Variants in STX7 observed in about 807,000 individuals in gnomAD.
STX7 encodes the protein syntaxin-7.
STX7 carries 34 observed loss-of-function variants against 39.6 expected under a neutral mutation model. The observed-to-expected ratio is 0.86, with a 90% CI of 0.65 to 1.14. The LOEUF is 1.14. Among genes scored for constraint, STX7 ranks in the 50% most tolerant of loss-of-function variants. The pLI, the probability that STX7 is intolerant of heterozygous loss-of-function variation, is 0.00. For missense variants in STX7, 284 were observed against 310.4 expected, an observed-to-expected ratio of 0.92 and a Z score of 0.64; for synonymous variants, 119 against 99.1, an observed-to-expected ratio of 1.20 and a Z score of -1.19.
rs72998815 is a variant in STX7 at position 132,463,883 on chromosome 6, A to C, written c.693+110T>G. 0.038 allele frequency: 37,690 copies of C among 1,002,764 alleles called. 883 individuals carry two copies. The highest frequency in any genetic ancestry group is 0.045 in the South Asian group (3,289 of 73,210). 62.1% of individuals were successfully genotyped at this position (1,002,764 alleles called of 1,614,324 possible). On this transcript the variant is annotated intron_variant, in intron 9 of 9. Coordinates refer to ENST00000367941, the MANE Select transcript of STX7 (RefSeq NM_003569.3). ...TCTCTTCCATGGGATTTTAAATTTTAACATCTTCAGCCATTTTAAACCTAA... is the reference window on the plus strand; with the variant it reads ...TCTCTTCCATGGGATTTTAAATTTTCACATCTTCAGCCATTTTAAACCTAA...
chr6:132,475,768 AAAAC>A (rs1774858874), intron 2 of STX7, 106 bp from the exon 3 acceptor site: 4 of 593,358 alleles, frequency 6.7e-6, no homozygotes, highest in Non-Finnish European at 5.4e-6. Context: ...AAGAGACAGA[AAAAC>A]AAAGATGAAA....
chr6:132,470,770 G>C (rs895916079), intron 5 of STX7, 144 bp from the exon 6 acceptor site: 31 of 416,936 alleles, frequency 7.4e-5, no homozygotes, highest in Admixed American at 1.6e-4. Context: ...TGTAGAGACA[G>C]AGAGAAAGAA....
intron 9 of STX7, among the ~76,000 whole-genome samples, chr6:132,461,242 T>C (rs1005388625): frequency 6.6e-6 from 1 of 152,182 alleles, no homozygotes; most frequent in Non-Finnish European, 1.5e-5. Context: ...ATTAAAGTTT[T>C]TCTTAAAAAT....
rs772576698 is a variant in STX7 at position 132,470,014 on chromosome 6, T to C, written c.474A>G (p.Glu158=). 1.3e-6 allele frequency: 2 copies of C among 1,595,912 alleles called. No individual in the cohort carries two copies. Among genetic ancestry groups the C allele is most frequent in the Middle Eastern group, 3.3e-4 (2 of 6,026 alleles). ...QTQPQVQVQD[E]EITEDDLRLI... is the part of the protein sequence containing the mutation. Reference sequence around the variant, plus strand: ...GACGGAGGTCATCCTCTGTAATTTCTTCATCCTGCACCTGCACTTGAGGTT... The same window carrying C: ...GACGGAGGTCATCCTCTGTAATTTCCTCATCCTGCACCTGCACTTGAGGTT... Residue 158 remains glutamate (E), a synonymous_variant, in exon 7 of 10, where the codon GAA becomes GAG. Coordinates refer to ENST00000367941, the MANE Select transcript of STX7 (RefSeq NM_003569.3).
chr6:132,466,800 A>G (rs533427586), intron 8 of STX7, among the ~76,000 whole-genome samples: 1 of 152,284 alleles, frequency 6.6e-6, no homozygotes, highest in East Asian at 1.9e-4. Context: ...ATACCCATCT[A>G]AGCCTGCTCC....
chr6:132,463,066 A>C (rs1415959555), intron 9 of STX7, among the ~76,000 whole-genome samples: 1 of 152,070 alleles, frequency 6.6e-6, no homozygotes, highest in Non-Finnish European at 1.5e-5. Context: ...TACAAAAAAT[A>C]CAAAAATTAG....
intron 9 of STX7, among the ~76,000 whole-genome samples, chr6:132,461,187 T>G (rs978519798): frequency 3.9e-5 from 6 of 152,210 alleles, no homozygotes; most frequent in Admixed American, 2.6e-4. Flanking sequence ...TACCTATGAA[T>G]AAAAATAAAG....
chr6:132,467,886 A>C (rs1472725786), intron 8 of STX7, among the ~76,000 whole-genome samples: 1 of 152,338 alleles, frequency 6.6e-6, no homozygotes, highest in East Asian at 1.9e-4. Context: ...CAACTTTAGA[A>C]AAGAAAATCA....
intron 8 of STX7, among the ~76,000 whole-genome samples, chr6:132,465,513 T>G (rs1774544319): frequency 6.6e-6 from 1 of 152,144 alleles, no homozygotes; most frequent in African/African-American, 2.4e-5. Flanking sequence ...CCAGTACCCA[T>G]GCAGCTGATT....
chr6:132,503,478 A>G lies in STX7; in HGVS notation c.53T>C (p.Ile18Thr). The change falls in exon 2 of 10, where the codon ATC becomes ACC. Residue 18 changes from isoleucine (I) to threonine (T), a missense_variant. Coordinates refer to ENST00000367941, the MANE Select transcript of STX7 (RefSeq NM_003569.3). The part of the protein sequence containing the change: ...GGDPAQLAQR[I>T]SSNIQKITQC... ...TGTGATCTTCTGGATGTTAGAAGAG[A>G]TCCTCTGGGCCAACTGGGCGGGGTC... 1 of 1,614,130 alleles carries G rather than the reference A, an allele frequency of 6.2e-7. No homozygotes were observed. The highest frequency in any genetic ancestry group is 8.5e-7 in the Non-Finnish European group (1 of 1,179,978).
chr6:132,504,752 A>T (rs188236978), intron 1 of STX7, among the ~76,000 whole-genome samples: 1 of 152,358 alleles, frequency 6.6e-6, no homozygotes, highest in East Asian at 1.9e-4. Context: ...AATCCATAAA[A>T]GATCACGTGC....
chr6:132,508,994 T>C lies in STX7; in HGVS notation c.-59+4013A>G, dbSNP rs549329292. ...TATAAGCCTATCATGTGGGTATAAT[T>C]GCTAATGTGATTTTTTTACATGAAG... is the stretch of plus-strand genomic sequence containing the variant. On this transcript the variant is annotated intron_variant, in intron 1 of 9. Coordinates refer to ENST00000367941, the MANE Select transcript of STX7 (RefSeq NM_003569.3). 3.3e-5 allele frequency among the ~76,000 whole-genome samples: 5 copies of C among 152,334 alleles called. No homozygotes were observed. In the South Asian group the frequency reaches 1.0e-3, roughly 32 times the overall value.
At position 132,447,456 on chromosome 6, in the gene STX7, C is replaced by A. The variant is rs766058809; in HGVS notation, c.*13302G>T. ...TGCTCTAAATTGGGGGAACATGATC[C>A]TTTATGTATTAATTGAATCAACTTT... On this transcript the variant is annotated 3_prime_UTR_variant, in exon 10 of 10. Transcript: ENST00000367941. 3.9e-5 allele frequency: 6 copies of A among 152,060 alleles called. No homozygotes were observed. The highest frequency in any genetic ancestry group is 7.4e-5 in the Non-Finnish European group (5 of 68,010). 9.4% of individuals were successfully genotyped at this position (152,060 alleles called of 1,614,324 possible).
chr6:132,445,872 A>G lies in STX7; in HGVS notation c.*14886T>C, dbSNP rs1021430423. 1 of 152,208 alleles carries G rather than the reference A, an allele frequency of 6.6e-6. No homozygotes were observed. Among genetic ancestry groups the G allele is most frequent in the African/African-American group, 2.4e-5 (1 of 41,460 alleles). 9.4% of individuals were successfully genotyped at this position (152,208 alleles called of 1,614,324 possible). ...AAAATGTAAAAATGAAGCCATTTTC[A>G]TTTCAGTATTCAGAGTTTTATAACA... is the stretch of plus-strand genomic sequence containing the variant. On this transcript the variant is annotated 3_prime_UTR_variant, in exon 10 of 10. Transcript: ENST00000367941.
At chr6:132,502,076 A>T (rs1423801890) in intron 2 of STX7, among the ~76,000 whole-genome samples, 1 of 152,154 alleles carries the variant, frequency 6.6e-6, no homozygotes, top group Admixed American at 6.5e-5. Flanking sequence ...GAAATAGGTA[A>T]AAAACCCAGA....
chr6:132,452,279 T>C lies in STX7; in HGVS notation c.*8479A>G, dbSNP rs1774150928. 6.6e-6 allele frequency: 1 copy of C among 152,078 alleles called. No individual in the cohort carries two copies. The highest frequency in any genetic ancestry group is 1.5e-5 in the Non-Finnish European group (1 of 67,994). The allele number at this position is 152,078 out of a possible 1,614,324, so 9.4% of individuals were successfully genotyped here. A position where few individuals can be genotyped will look rare whatever the true frequency, so the allele number is the denominator to read the frequency against. ...TACTTTAAAAACCTACAGCTAACAT[T>C]ATACTTCATGGTGAAACACTGAATC... On this transcript the variant is annotated 3_prime_UTR_variant, in exon 10 of 10. Coordinates refer to ENST00000367941, the MANE Select transcript of STX7 (RefSeq NM_003569.3).
chr6:132,461,694 A>C (rs1774406421), intron 9 of STX7: 5 of 766,836 alleles, frequency 6.5e-6, no homozygotes, highest in Non-Finnish European at 1.0e-5. Context: ...ATTAATGGGA[A>C]ACTACATTCA....
chr6:132,473,213 T>TTAAGTTTACGCTGGAAAAAATAA (rs1471506397), intron 3 of STX7, among the ~76,000 whole-genome samples: 5 of 151,724 alleles, frequency 3.3e-5, no homozygotes, highest in African/African-American at 1.2e-4. Context: ...TTACTATTAT[T>TTAAGTTTACGCTGGAAAAAATAA]TAAGTTTACG....
intron 1 of STX7, among the ~76,000 whole-genome samples, chr6:132,511,156 G>C (rs1200640826): frequency 6.6e-6 from 1 of 152,172 alleles, no homozygotes; most frequent in African/African-American, 2.4e-5. Flanking sequence ...AACATTTGTA[G>C]AATGAATGAA....
Sources: gnomAD v4.1 joint callset for allele counts (sites outside exome capture counted in the v4.1 genomes callset) on GRCh38, gnomAD v4.1.1 for gene constraint, MANE v1.5 for transcripts, NCBI Gene and HGNC (gene_info 2026-07-23, HGNC 2026-07-21) for gene names.